GALNT13: variants seen among roughly 807,000 people sequenced by gnomAD.
GALNT13 encodes polypeptide N-acetylgalactosaminyltransferase 13.
GALNT13 carries 28 observed loss-of-function variants against 64.2 expected under a neutral mutation model. That is an observed-to-expected ratio of 0.44 (90% confidence interval 0.32 to 0.60). The LOEUF (loss-of-function observed/expected upper bound fraction) is 0.60. GALNT13 is among the 20% of genes least tolerant of loss of function. GALNT13 has a pLI of 0.05. For synonymous variants in GALNT13, 214 were observed against 224.6 expected (o/e 0.95, Z 0.42); for missense variants, 577 against 669.8 (o/e 0.86, Z 1.53).
the GALNT13 span, among the ~76,000 whole-genome samples, chr2:153,508,545 C>T: frequency 6.6e-6 from 1 of 152,122 alleles, no homozygotes; most frequent in African/African-American, 2.4e-5. Flanking sequence ...GCCCACAGTC[C>T]TAAAGGCTGG....
intron 4 of GALNT13, among the ~76,000 whole-genome samples, chr2:154,144,541 C>G (rs540357127): frequency 1.3e-5 from 2 of 152,190 alleles, no homozygotes; most frequent in African/African-American, 4.8e-5. Context: ...TGAGTTGATA[C>G]TTAGAAAGTG....
chr2:153,368,544 A>T, the GALNT13 span, among the ~76,000 whole-genome samples: 1 of 152,174 alleles, frequency 6.6e-6, no homozygotes, highest in Non-Finnish European at 1.5e-5. Context: ...TGGACAAAGG[A>T]TACCTCAGAA....
At chr2:154,196,939 A>G (rs993226834) in intron 4 of GALNT13, among the ~76,000 whole-genome samples, 7 of 152,212 alleles carry the variant, frequency 4.6e-5, no homozygotes, top group African/African-American at 1.2e-4. Context: ...CTATTATTAT[A>G]TGTGTCCTTA....
chr2:153,706,007 C>CT, the GALNT13 span, among the ~76,000 whole-genome samples: 4 of 151,102 alleles, frequency 2.6e-5, no homozygotes, highest in Admixed American at 6.6e-5. Context: ...TATATATTTT[C>CT]TTTTTTTTGA....
chr2:153,950,551 A>G (rs1692098577), intron 3 of GALNT13, among the ~76,000 whole-genome samples: 1 of 152,112 alleles, frequency 6.6e-6, no homozygotes, highest in Non-Finnish European at 1.5e-5. Flanking sequence ...ACATTCATAT[A>G]TAACTCAGCA....
At chr2:153,726,604 A>G in the GALNT13 span, among the ~76,000 whole-genome samples, 1 of 152,226 alleles carries the variant, frequency 6.6e-6, no homozygotes, top group Non-Finnish European at 1.5e-5. Flanking sequence ...GATATGTACG[A>G]ATAAACCACG....
At chr2:153,973,452 C>G (rs1693871841) in intron 3 of GALNT13, among the ~76,000 whole-genome samples, 1 of 151,926 alleles carries the variant, frequency 6.6e-6, no homozygotes, top group South Asian at 2.1e-4. Flanking sequence ...CAGTTACTAG[C>G]AACTCACTGA....
At chr2:153,902,418 G>A (rs1165813307) in intron 2 of GALNT13, among the ~76,000 whole-genome samples, 1 of 152,066 alleles carries the variant, frequency 6.6e-6, no homozygotes, top group African/African-American at 2.4e-5. Flanking sequence ...TGTTAGTAAG[G>A]ACTAGAGTAA....
chr2:153,499,273 G>C, the GALNT13 span, among the ~76,000 whole-genome samples: 3 of 152,172 alleles, frequency 2.0e-5, no homozygotes, highest in African/African-American at 4.8e-5. Flanking sequence ...AAAATGGGTG[G>C]CTCCTTTCTG....
At chr2:154,184,515 A>G (rs1257292871) in intron 4 of GALNT13, among the ~76,000 whole-genome samples, 1 of 151,772 alleles carries the variant, frequency 6.6e-6, no homozygotes, top group Non-Finnish European at 1.5e-5. Context: ...TCATAGTGAT[A>G]TACTTTGTTT....
At chr2:153,797,413 A>G in the GALNT13 span, among the ~76,000 whole-genome samples, 1 of 152,162 alleles carries the variant, frequency 6.6e-6, no homozygotes, top group Non-Finnish European at 1.5e-5. Context: ...TTTTTGAACT[A>G]TTCTCCACAC....
At chr2:153,234,837 T>G in the GALNT13 span, among the ~76,000 whole-genome samples, 1 of 152,132 alleles carries the variant, frequency 6.6e-6, no homozygotes, top group South Asian at 2.1e-4. Flanking sequence ...CCTGACTATC[T>G]CATAATTGTC....
intron 7 of GALNT13, among the ~76,000 whole-genome samples, chr2:154,247,108 A>G (rs1689823447): frequency 6.6e-6 from 1 of 152,068 alleles, no homozygotes; most frequent in South Asian, 2.1e-4. Flanking sequence ...TTACTGAACA[A>G]TTAAATATTA....
At chr2:153,923,393 A>G (rs1049674313) in intron 2 of GALNT13, among the ~76,000 whole-genome samples, 1 of 152,196 alleles carries the variant, frequency 6.6e-6, no homozygotes, top group African/African-American at 2.4e-5. Flanking sequence ...CATTCGTTAT[A>G]TACTACTACT....
chr2:153,452,366 A>G, the GALNT13 span, among the ~76,000 whole-genome samples: 1 of 152,076 alleles, frequency 6.6e-6, no homozygotes, highest in Admixed American at 6.6e-5. Flanking sequence ...CTGTAGTCCC[A>G]GCTACTTGGG....
intron 8 of GALNT13, among the ~76,000 whole-genome samples, chr2:154,295,515 C>A (rs1692873172): frequency 6.6e-6 from 1 of 152,008 alleles, no homozygotes; most frequent in East Asian, 1.9e-4. Context: ...AGGCACCCAC[C>A]ACCATGTGCC....
intron 9 of GALNT13, among the ~76,000 whole-genome samples, chr2:154,372,521 T>G (rs1176485740): frequency 6.6e-6 from 1 of 152,106 alleles, no homozygotes; most frequent in Non-Finnish European, 1.5e-5. Flanking sequence ...CAGATAAAAT[T>G]TAACAATCAA....
At chr2:153,404,090 A>T in the GALNT13 span, among the ~76,000 whole-genome samples, 11 of 152,190 alleles carry the variant, frequency 7.2e-5, no homozygotes, top group Admixed American at 2.0e-4. Flanking sequence ...ATGTAGGCTC[A>T]TTGGTGTGTG....
At chr2:154,449,426 C>CAA (rs201483247) in intron 12 of GALNT13, among the ~76,000 whole-genome samples, 3,725 of 103,900 alleles carry the variant, frequency 0.036, 65 homozygotes, top group Non-Finnish European at 0.053. Flanking sequence ...TATCATGAGC[C>CAA]AAAAAAAAAA....
Sources: allele counts gnomAD v4.1 joint callset (sites outside exome capture counted in the v4.1 genomes callset), GRCh38; gene constraint gnomAD v4.1.1; transcripts MANE v1.5; gene names NCBI Gene and HGNC (gene_info 2026-07-23, HGNC 2026-07-21).